The following TENM3 variants were observed in gnomAD, a reference collection of about 807,000 sequenced individuals.
TENM3 encodes the protein teneurin-3.
TENM3 carries 63 observed loss-of-function variants against 255.1 expected under a neutral mutation model. The observed-to-expected ratio is 0.25, with a 90% CI of 0.20 to 0.30. The LOEUF (loss-of-function observed/expected upper bound fraction) is 0.30. Among genes scored for constraint, TENM3 ranks in the 10% least tolerant of loss-of-function variants. TENM3 has a pLI of 1.00. For synonymous variants in TENM3, 1,306 were observed against 1,322.3 expected, an observed-to-expected ratio of 0.99 and a Z score of 0.27; for missense variants, 2,929 against 3,461.1, an observed-to-expected ratio of 0.85 and a Z score of 3.86.
intron 3 of TENM3, among the ~76,000 whole-genome samples, chr4:182,554,479 G>T (rs1471504332): frequency 6.6e-6 from 1 of 152,116 alleles, no homozygotes; most frequent in Non-Finnish European, 1.5e-5. Flanking sequence ...AATGCATCAG[G>T]AAAAGAGGGA....
chr4:181,580,679 A>AAG, the TENM3 span, among the ~76,000 whole-genome samples: 1 of 152,026 alleles, frequency 6.6e-6, no homozygotes, highest in Non-Finnish European at 1.5e-5. Flanking sequence ...GAGACAGAGA[A>AAG]AGAGAGAGAG....
In TENM3 at chr4:182,381,235, A is replaced by G. The variant is rs148083243; in HGVS notation, c.511+34306A>G. Among the ~76,000 whole-genome samples, 6 of 152,306 alleles carry G rather than the reference A, an allele frequency of 3.9e-5. No homozygotes were observed. In the East Asian group the frequency reaches 5.8e-4, roughly 15 times the overall value. ...CAGAAATTAGAGACGGAAAACACCT[A>G]TTAGTCAATTCCCATGCCAAAGATA... On this transcript the variant is annotated intron_variant, in intron 3 of 27. Transcript: ENST00000511685.
chr4:182,130,612 G>A, the TENM3 span, among the ~76,000 whole-genome samples: 5 of 151,754 alleles, frequency 3.3e-5, no homozygotes, highest in African/African-American at 9.7e-5. Flanking sequence ...AGTAGTTGTT[G>A]AATGAACTGG....
the TENM3 span, among the ~76,000 whole-genome samples, chr4:181,447,623 G>A: frequency 6.6e-6 from 1 of 152,180 alleles, no homozygotes; most frequent in African/African-American, 2.4e-5. Flanking sequence ...GTGAAGAGCT[G>A]CTTCCTCGGA....
At chr4:182,262,526 C>G (rs1758873579) in intron 1 of TENM3, among the ~76,000 whole-genome samples, 1 of 152,106 alleles carries the variant, frequency 6.6e-6, no homozygotes, top group South Asian at 2.1e-4. Flanking sequence ...TGCTACACTC[C>G]CACCAGCGCC....
chr4:182,007,241 G>A, the TENM3 span, among the ~76,000 whole-genome samples: 1 of 152,092 alleles, frequency 6.6e-6, no homozygotes, highest in African/African-American at 2.4e-5. Flanking sequence ...CGTCTACTAG[G>A]TCCACTTGAT....
the TENM3 span, among the ~76,000 whole-genome samples, chr4:181,531,006 T>G: frequency 0.013 from 2,033 of 152,290 alleles, 19 homozygotes; most frequent in Non-Finnish European, 0.019. Context: ...TCTGATACCA[T>G]TCTTAGTGAC....
chr4:182,780,835 A>G (rs1417673720), intron 24 of TENM3, among the ~76,000 whole-genome samples: 1 of 151,080 alleles, frequency 6.6e-6, no homozygotes, highest in Non-Finnish European at 1.5e-5. Context: ...ATGGGAGTTC[A>G]CTCCTGATTT....
the TENM3 span, among the ~76,000 whole-genome samples, chr4:181,979,779 A>T: frequency 6.6e-6 from 1 of 152,254 alleles, no homozygotes; most frequent in African/African-American, 2.4e-5. Flanking sequence ...GACTTGCTCA[A>T]CGTCATACAG....
At chr4:182,714,052 C>G in intron 12 of TENM3, 35 bp from the exon 13 acceptor site, 4 of 1,602,562 alleles carry the variant, frequency 2.5e-6, no homozygotes, top group Non-Finnish European at 3.4e-6. Context: ...ACTCAATACT[C>G]AAATCACTGG....
At position 182,644,674 on chromosome 4, in the gene TENM3, A is replaced by G. The variant is rs568708134; in HGVS notation, c.989-9097A>G. Among the ~76,000 whole-genome samples, 8 of 152,330 alleles carry G rather than the reference A, an allele frequency of 5.3e-5. No homozygotes were observed. The East Asian group carries it at 7.7e-4, about 15-fold the overall frequency. ...TTTATTAACATATTGTCTCAAAATTATTTCAATTAATAAGGTTTTTTCTTA... is the reference window on the plus strand; with the variant it reads ...TTTATTAACATATTGTCTCAAAATTGTTTCAATTAATAAGGTTTTTTCTTA... On this transcript the variant is annotated intron_variant, in intron 5 of 27. Coordinates refer to ENST00000511685, the MANE Select transcript of TENM3 (RefSeq NM_001080477.4).
At chr4:182,516,607 A>G (rs1737977095) in intron 3 of TENM3, among the ~76,000 whole-genome samples, 1 of 152,280 alleles carries the variant, frequency 6.6e-6, no homozygotes, top group African/African-American at 2.4e-5. Flanking sequence ...TTATGCCTGT[A>G]AGGCCAGGCG....
chr4:182,373,666 T>C (rs777690421), intron 3 of TENM3, among the ~76,000 whole-genome samples: 4 of 152,042 alleles, frequency 2.6e-5, no homozygotes, highest in Non-Finnish European at 5.9e-5. Context: ...ACCTCCAACA[T>C]TGGGTGTCAT....
At chr4:182,762,474 C>T (rs1472040881) in intron 22 of TENM3, among the ~76,000 whole-genome samples, 2 of 152,182 alleles carry the variant, frequency 1.3e-5, no homozygotes, top group East Asian at 1.9e-4. Flanking sequence ...TACACATGGA[C>T]GATCAGTGCA....
At chr4:181,967,546 T>A in the TENM3 span, among the ~76,000 whole-genome samples, 1 of 152,294 alleles carries the variant, frequency 6.6e-6, no homozygotes, top group East Asian at 1.9e-4. Context: ...CAAAGTCCCC[T>A]GACTTTCCCA....
intron 3 of TENM3, among the ~76,000 whole-genome samples, chr4:182,584,847 G>T (rs1207029839): frequency 6.6e-6 from 1 of 151,950 alleles, no homozygotes; most frequent in Admixed American, 6.6e-5. Context: ...TCTTCATGCT[G>T]TTCAGGCCGG....
chr4:181,504,914 G>T, the TENM3 span, among the ~76,000 whole-genome samples: 1 of 152,118 alleles, frequency 6.6e-6, no homozygotes, highest in Non-Finnish European at 1.5e-5. Context: ...ACTTAGCCCT[G>T]CTAGCCTGAG....
At chr4:181,850,301 T>C in the TENM3 span, among the ~76,000 whole-genome samples, 3 of 152,154 alleles carry the variant, frequency 2.0e-5, no homozygotes, top group Non-Finnish European at 4.4e-5. Flanking sequence ...TCAACATGAT[T>C]TGATTAACAA....
intron 3 of TENM3, among the ~76,000 whole-genome samples, chr4:182,424,249 G>C (rs376389485): frequency 6.6e-6 from 1 of 152,102 alleles, no homozygotes; most frequent in Non-Finnish European, 1.5e-5. Flanking sequence ...TCAACTAGGA[G>C]CTCTTTTTGA....
Sources: allele counts gnomAD v4.1 joint callset (sites outside exome capture counted in the v4.1 genomes callset), GRCh38; gene constraint gnomAD v4.1.1; transcripts MANE v1.5; gene names NCBI Gene and HGNC (gene_info 2026-07-23, HGNC 2026-07-21).